The following SSR3 variants were observed in gnomAD, a reference collection of about 807,000 sequenced individuals.
SSR3 encodes signal sequence receptor subunit 3, also known as translocon-associated protein subunit gamma.
SSR3 carries 10 observed loss-of-function variants against 22.1 expected under a neutral mutation model. The observed-to-expected ratio is 0.45, with a 90% CI of 0.28 to 0.77. SSR3 has a LOEUF of 0.77. Among genes scored for constraint, SSR3 ranks in the 30% least tolerant of loss-of-function variants. The pLI is 0.13. For missense variants in SSR3, 181 were observed against 220.5 expected (o/e 0.82, Z 1.13); for synonymous variants, 104 against 82.5 (o/e 1.26, Z -1.42).
intron 2 of SSR3, among the ~76,000 whole-genome samples, chr3:156,549,301 ATTTAG>A (rs1261352723): frequency 6.6e-6 from 1 of 152,260 alleles, no homozygotes; most frequent in Non-Finnish European, 1.5e-5. Context: ...TATTAACACA[ATTTAG>A]TTAAGAATCA....
chr3:156,548,785 A>G, intron 3 of SSR3, 120 bp downstream of exon 3: 1 of 1,241,098 alleles, frequency 8.1e-7, no homozygotes, highest in South Asian at 1.5e-5. Flanking sequence ...TACTACTACT[A>G]CTACAATTCC....
Position 156,544,396 on chromosome 3 carries a change from T to C in SSR3, c.403A>G (p.Thr135Ala). Residue 135 changes from threonine to alanine, a missense_variant, in exon 4 of 5, where the codon ACA (threonine) becomes GCA (alanine). Physicochemically the swap from Thr to Ala is moderately conservative, Grantham distance 58 (BLOSUM62 0). Transcript: ENST00000265044. The stretch of plus-strand genomic sequence containing the variant: ...GTGTTGTTATAGAAGATGGAAAATG[T>C]TGTAGCTTCATAATCAGCAACTTCA... ...KNEVADYEAT[T>A]FSIFYNNTLF... The C allele has an allele frequency of 3.8e-6, 6 of 1,594,104 alleles. No homozygotes were observed. Among genetic ancestry groups the C allele is most frequent in the Non-Finnish European group, 5.1e-6 (6 of 1,170,478 alleles).
intron 2 of SSR3, among the ~76,000 whole-genome samples, chr3:156,552,280 G>A (rs909224477): frequency 6.6e-6 from 1 of 150,502 alleles, no homozygotes; most frequent in African/African-American, 2.5e-5. Flanking sequence ...CTCTAACTTG[G>A]GCAACAGAGT....
In SSR3 at chr3:156,543,248, A is replaced by C; in HGVS notation, c.513T>G (p.Ser171Arg). 6.2e-7 allele frequency: 1 copy of C among 1,613,954 alleles called. No homozygotes were observed. ...GGAGGGCGATGAGTCCTGATGAAGC[A>C]CTTATGGACAATATGTAGTTCCTGT... ...NPTVNYILSI[S>R]ASSGLIALLS... The change falls in exon 5 of 5, where the codon AGT becomes AGG. Residue 171 changes from serine to arginine, a missense_variant. Physicochemically the swap from Ser to Arg is moderately radical, Grantham distance 110 (BLOSUM62 -1). Transcript: ENST00000265044.
chr3:156,550,965 G>C (rs77050897), intron 2 of SSR3, among the ~76,000 whole-genome samples: 98 of 152,314 alleles, frequency 6.4e-4, no homozygotes, highest in African/African-American at 2.3e-3. Flanking sequence ...ACACATTTAA[G>C]AGTGGCAGAG....
At chr3:156,554,728 C>G in intron 1 of SSR3, 2 of 557,640 alleles carry the variant, frequency 3.6e-6, no homozygotes, top group Admixed American at 6.6e-5. Context: ...AGCTCGGGAA[C>G]GTGCGTACTT....
Position 156,542,017 on chromosome 3 carries a change from A to G in SSR3, c.*1186T>C, listed in dbSNP as rs1213836220. On this transcript the variant is annotated 3_prime_UTR_variant, in exon 5 of 5. Transcript: ENST00000265044. ...GAAGTGGATAGTAAAGATTAGGACT[A>G]TATTTCCTTTGGGGTGCTGCTTGTA... 2 of 152,224 alleles carry G rather than the reference A, an allele frequency of 1.3e-5. No individual in the cohort carries two copies. Among genetic ancestry groups the G allele is most frequent in the East Asian group, 3.8e-4 (2 of 5,204 alleles). 9.4% of individuals were successfully genotyped at this position (152,224 alleles called of 1,614,324 possible). A position where few individuals can be genotyped will look rare whatever the true frequency, so the allele number is the denominator to read the frequency against.
chr3:156,546,420 C>T (rs1719764374), intron 3 of SSR3, among the ~76,000 whole-genome samples: 1 of 152,090 alleles, frequency 6.6e-6, no homozygotes, highest in African/African-American at 2.4e-5. Flanking sequence ...CTGTGAAAAT[C>T]GACTAATACA....
In SSR3 at chr3:156,543,173, C is replaced by T. The variant is rs771396058; in HGVS notation, c.*30G>A. 1.5e-5 allele frequency: 24 copies of T among 1,609,136 alleles called. No homozygotes were observed. Among genetic ancestry groups the T allele is most frequent in the Non-Finnish European group, 2.0e-5 (23 of 1,176,920 alleles). ...CCATATACCACAGGCCACCCATAGA[C>T]ACAAAGCCAGGGGGTGAAGCTGACA... is the stretch of plus-strand genomic sequence containing the variant. On this transcript the variant is annotated 3_prime_UTR_variant, in exon 5 of 5. Coordinates refer to ENST00000265044, the MANE Select transcript of SSR3 (RefSeq NM_007107.5).
At chr3:156,552,684 G>C (rs1475787228) in intron 2 of SSR3, among the ~76,000 whole-genome samples, 1 of 152,160 alleles carries the variant, frequency 6.6e-6, no homozygotes, top group Non-Finnish European at 1.5e-5. Flanking sequence ...ATCAAGGAAG[G>C]AGGGAAATAA....
In SSR3 at chr3:156,542,668, CT is replaced by C. The variant is rs1719606570; in HGVS notation, c.*534del. 6.6e-6 allele frequency: 1 copy of C among 152,212 alleles called. No individual in the cohort carries two copies. The highest frequency in any genetic ancestry group is 1.5e-5 in the Non-Finnish European group (1 of 68,062). The allele number at this position is 152,212 out of a possible 1,614,324, so 9.4% of individuals were successfully genotyped here. On this transcript the variant is annotated 3_prime_UTR_variant, in exon 5 of 5. Transcript: ENST00000265044. ...AAAAAGAACTTTTCCACAAGTTTCT[CT>C]TCCTCTAGTTGGAAAATTAGAGAAA...
intron 2 of SSR3, among the ~76,000 whole-genome samples, chr3:156,552,705 C>T (rs2108450430): frequency 6.6e-6 from 1 of 152,238 alleles, no homozygotes; most frequent in South Asian, 2.1e-4. Context: ...TCCTGCTATC[C>T]CTACCCAAGT....
At chr3:156,554,124 A>C in intron 1 of SSR3, 1 of 176,380 alleles carries the variant, frequency 5.7e-6, no homozygotes. Flanking sequence ...CCATTCCAAA[A>C]TGCCACGTGC....
rs1177771891 is a variant in SSR3 at position 156,554,975 on chromosome 3, C to A, written c.115G>T (p.Val39Leu). 6.2e-7 allele frequency: 1 copy of A among 1,613,856 alleles called. No individual in the cohort carries two copies. Among genetic ancestry groups the A allele is most frequent in the South Asian group, 1.1e-5 (1 of 91,060 alleles). Residue 39 changes from valine to leucine, a missense_variant, in exon 1 of 5, where the codon GTG becomes TTG. Coordinates refer to ENST00000265044, the MANE Select transcript of SSR3 (RefSeq NM_007107.5). Reference protein sequence around the residue: ...SALFFGNAFIVSAIPIWLYWR... With the variant: ...SALFFGNAFILSAIPIWLYWR... ...CACTCACAGATGGGGATGGCAGACA[C>A]GATGAACGCGTTTCCGAAGAAGAGC... is the stretch of plus-strand genomic sequence containing the variant.
intron 1 of SSR3, among the ~76,000 whole-genome samples, chr3:156,554,315 G>A (rs1720072726): frequency 6.6e-6 from 1 of 152,200 alleles, no homozygotes; most frequent in African/African-American, 2.4e-5. Flanking sequence ...GCAAAAGACA[G>A]GAGTTCTGGA....
In SSR3 at chr3:156,555,059, A is replaced by C. The variant is rs779502686; in HGVS notation, c.31T>G (p.Ser11Ala). 15 of 1,613,808 alleles carry C rather than the reference A, an allele frequency of 9.3e-6. No individual in the cohort carries two copies. The change falls in exon 1 of 5, where the codon TCT becomes GCT. Residue 11 changes from serine to alanine, a missense_variant. Transcript: ENST00000265044. MAPKGSSKQQ[S>A]EEDLLLQDFS... ...TCCTGCAGGAGCAGGTCCTCCTCAG[A>C]CTGCTGTTTGGAGCTGCCTTTAGGA...
intron 2 of SSR3, among the ~76,000 whole-genome samples, chr3:156,550,007 C>T (rs901532939): frequency 4.6e-5 from 7 of 152,182 alleles, no homozygotes; most frequent in African/African-American, 1.7e-4. Context: ...TCATATGCTT[C>T]TTGCACTTCG....
At chr3:156,546,230 T>TAAAAATGGC (rs1330872638) in intron 3 of SSR3, among the ~76,000 whole-genome samples, 3 of 152,218 alleles carry the variant, frequency 2.0e-5, no homozygotes, top group African/African-American at 7.2e-5. Context: ...TCTGATGGTT[T>TAAAAATGGC]AAAAATGGCA....
At chr3:156,548,505 T>C (rs1207648174) in intron 3 of SSR3, among the ~76,000 whole-genome samples, 1 of 152,214 alleles carries the variant, frequency 6.6e-6, no homozygotes, top group East Asian at 1.9e-4. Context: ...CAAAGCTCTG[T>C]TGCCTCCTCA....
Sources: gnomAD v4.1 joint callset for allele counts (sites outside exome capture counted in the v4.1 genomes callset) on GRCh38, gnomAD v4.1.1 for gene constraint, MANE v1.5 for transcripts, NCBI Gene and HGNC (gene_info 2026-07-23, HGNC 2026-07-21) for gene names.